The following GRM8 variants were observed in gnomAD, a reference collection of about 807,000 sequenced individuals.
GRM8 encodes metabotropic glutamate receptor 8.
A neutral mutation model predicts 87.2 loss-of-function variants in GRM8; 47 were observed. The ratio of observed to expected loss-of-function variants is 0.54; its 90% confidence interval spans 0.43 to 0.69. The LOEUF is 0.69. Among genes scored for constraint, GRM8 ranks in the 30% least tolerant of loss-of-function variants. GRM8 has a pLI of 0.00. For missense variants in GRM8, 1,019 were observed against 1,139.2 expected (o/e 0.89, Z 1.52); for synonymous variants, 396 against 404.5 (o/e 0.98, Z 0.25).
At chr7:127,118,773 T>A (rs774163918) in intron 2 of GRM8, among the ~76,000 whole-genome samples, 3 of 152,180 alleles carry the variant, frequency 2.0e-5, no homozygotes, top group African/African-American at 7.2e-5. Context: ...TTTTTAAATC[T>A]GATATTAATT....
chr7:127,063,962 A>G (rs552751765), intron 3 of GRM8, among the ~76,000 whole-genome samples: 1 of 152,100 alleles, frequency 6.6e-6, no homozygotes, highest in African/African-American at 2.4e-5. Flanking sequence ...TTGACTTTCT[A>G]TTTTTATTGT....
chr7:126,903,765 ATGTGTGTGTG>A lies in GRM8; in HGVS notation c.1018+197_1018+206del, dbSNP rs72467951. ...TATATATGTATATGTGTATATATAT[ATGTGTGTGTG>A]TATATATATATATATATATATATAT... On this transcript the variant is annotated intron_variant, in intron 5 of 10. Coordinates refer to ENST00000339582, the MANE Select transcript of GRM8 (RefSeq NM_000845.3). 2.1e-5 allele frequency among the ~76,000 whole-genome samples: 2 copies of A among 95,826 alleles called. 1 individual carries two copies. Among genetic ancestry groups the A allele is most frequent in the South Asian group, 7.0e-4 (2 of 2,852 alleles). 62.9% of individuals were successfully genotyped at this position (95,826 alleles called of 152,430 possible).
intron 9 of GRM8, among the ~76,000 whole-genome samples, chr7:126,493,389 G>A (rs1031780574): frequency 5.3e-5 from 8 of 152,016 alleles, no homozygotes; most frequent in East Asian, 1.9e-4. Flanking sequence ...AGGCTTAGGC[G>A]GTTCTGGCTC....
chr7:126,834,621 T>C (rs886985423), intron 6 of GRM8, among the ~76,000 whole-genome samples: 6 of 152,208 alleles, frequency 3.9e-5, no homozygotes, highest in Admixed American at 1.3e-4. Context: ...GTCCTAAAGA[T>C]AATGCAGTGT....
chr7:126,604,171 T>C (rs898264067), intron 8 of GRM8, among the ~76,000 whole-genome samples: 2 of 152,120 alleles, frequency 1.3e-5, no homozygotes, highest in African/African-American at 4.8e-5. Context: ...TCAATTAAAA[T>C]AAATACTATA....
In GRM8 at chr7:126,907,986, T is replaced by C. The variant is rs1802885868; in HGVS notation, c.728-3303A>G. ...TAAGTATGACTCCAAGGATTTGGTC[T>C]TTGTGACCAGTTATGTGATGGTATC... On this transcript the variant is annotated intron_variant, in intron 3 of 10. Transcript: ENST00000339582. Among the ~76,000 whole-genome samples, 4 of 152,306 alleles carry C rather than the reference T, an allele frequency of 2.6e-5. No individual in the cohort carries two copies. The South Asian group carries it at 8.3e-4, about 32-fold the overall frequency.
intron 2 of GRM8, among the ~76,000 whole-genome samples, chr7:127,120,802 T>C (rs1827044233): frequency 6.6e-6 from 1 of 152,226 alleles, no homozygotes; most frequent in Non-Finnish European, 1.5e-5. Context: ...GAACATCTCC[T>C]GATCATTAGA....
At chr7:126,609,843 G>A (rs528981347) in intron 7 of GRM8, among the ~76,000 whole-genome samples, 32 of 152,326 alleles carry the variant, frequency 2.1e-4, no homozygotes, top group Non-Finnish European at 3.8e-4. Flanking sequence ...AAATGTAAAT[G>A]TTTTGAAGCA....
At chr7:126,523,793 G>A (rs545264860) in intron 9 of GRM8, among the ~76,000 whole-genome samples, 9 of 151,890 alleles carry the variant, frequency 5.9e-5, no homozygotes, top group Non-Finnish European at 8.8e-5. Flanking sequence ...CACCATGCCC[G>A]GCCAGACCCC....
Position 127,243,148 on chromosome 7 carries a change from G to T in GRM8, c.57C>A (p.Ala19=). 1 of 1,613,600 alleles carries T rather than the reference G, an allele frequency of 6.2e-7. No individual in the cohort carries two copies. The highest frequency in any genetic ancestry group is 8.5e-7 in the Non-Finnish European group (1 of 1,179,922). The change falls in exon 2 of 11, where the codon GCC becomes GCA. Residue 19 remains alanine, a synonymous_variant. Coordinates refer to ENST00000339582, the MANE Select transcript of GRM8 (RefSeq NM_000845.3). ...TCATTGTGAGGATCCAGTAGAACTT[G>T]GCGGTCAAGAGGAAGAAACAAGGGC... is the stretch of plus-strand genomic sequence containing the variant. ...ASCPCFFLLT[A]KFYWILTMMQ... is the part of the protein sequence containing the mutation.
At chr7:126,495,801 A>G (rs779803332) in intron 9 of GRM8, among the ~76,000 whole-genome samples, 1 of 152,002 alleles carries the variant, frequency 6.6e-6, no homozygotes, top group African/African-American at 2.4e-5. Flanking sequence ...CTTCTTAAGC[A>G]CATATTTAAA....
intron 6 of GRM8, among the ~76,000 whole-genome samples, chr7:126,778,517 CAT>C (rs1369556435): frequency 6.6e-6 from 1 of 152,158 alleles, no homozygotes; most frequent in South Asian, 2.1e-4. Context: ...CAAATTATTT[CAT>C]AGATATATCC....
chr7:127,101,087 A>C lies in GRM8; in HGVS notation c.727+5409T>G, dbSNP rs1248627485. Among the ~76,000 whole-genome samples the C allele has an allele frequency of 3.3e-5, 5 of 152,098 alleles. No homozygotes were observed. The South Asian group carries it at 8.3e-4, about 25-fold the overall frequency. On this transcript the variant is annotated intron_variant, in intron 3 of 10. Transcript: ENST00000339582. ...CTGTTTATGGTACCTGCCTTTTCCT[A>C]GTTGCCCAGGTATGCAATTTCAAGT...
intron 2 of GRM8, among the ~76,000 whole-genome samples, chr7:127,117,164 G>A (rs1292522990): frequency 6.6e-6 from 1 of 152,210 alleles, no homozygotes; most frequent in Non-Finnish European, 1.5e-5. Context: ...TGATTGAAAA[G>A]TAGGAGGAAA....
chr7:126,654,253 G>A (rs866325400), intron 7 of GRM8, among the ~76,000 whole-genome samples: 5 of 152,200 alleles, frequency 3.3e-5, no homozygotes, highest in African/African-American at 1.2e-4. Flanking sequence ...TGACTTGTGT[G>A]TGAACAAACC....
Position 127,035,760 on chromosome 7 carries a change from C to T in GRM8, c.727+70736G>A, listed in dbSNP as rs190538159. Among the ~76,000 whole-genome samples, 568 of 152,258 alleles carry T rather than the reference C, an allele frequency of 3.7e-3. 1 individual carries two copies. Among genetic ancestry groups the T allele is most frequent in the Middle Eastern group, 6.8e-3 (2 of 292 alleles). ...CAGATTTCATCATGCCTAGAGGGACCTATTAAAAAATGTTAGTTAATTCTT... is the reference window on the plus strand; with the variant it reads ...CAGATTTCATCATGCCTAGAGGGACTTATTAAAAAATGTTAGTTAATTCTT... On this transcript the variant is annotated intron_variant, in intron 3 of 10. Coordinates refer to ENST00000339582, the MANE Select transcript of GRM8 (RefSeq NM_000845.3).
At chr7:126,472,731 C>A (rs887751612) in intron 9 of GRM8, among the ~76,000 whole-genome samples, 1 of 152,200 alleles carries the variant, frequency 6.6e-6, no homozygotes, top group East Asian at 1.9e-4. Context: ...TATGGCACCT[C>A]CTCCCATCAC....
chr7:127,033,242 T>C (rs17864102), intron 3 of GRM8, among the ~76,000 whole-genome samples: 10,797 of 152,078 alleles, frequency 0.071, 529 homozygotes, highest in South Asian at 0.12. Flanking sequence ...TGAATAGCAA[T>C]ATTCTCTTTC....
chr7:126,925,939 T>G (rs1805059556), intron 3 of GRM8, among the ~76,000 whole-genome samples: 1 of 152,212 alleles, frequency 6.6e-6, no homozygotes, highest in African/African-American at 2.4e-5. Context: ...TATTCTGTTT[T>G]CTGTATCCTT....
Sources: allele counts gnomAD v4.1 joint callset (sites outside exome capture counted in the v4.1 genomes callset), GRCh38; gene constraint gnomAD v4.1.1; transcripts MANE v1.5; gene names NCBI Gene and HGNC (gene_info 2026-07-23, HGNC 2026-07-21).